The following ARID4A variants were observed in gnomAD, a reference collection of about 807,000 sequenced individuals.
ARID4A encodes the protein AT-rich interactive domain-containing protein 4A.
Under a neutral mutation model 148.6 loss-of-function variants are expected in ARID4A, and 39 were observed. That is an observed-to-expected ratio of 0.26 (90% CI 0.20 to 0.34). The LOEUF is 0.34. Among genes scored for constraint, ARID4A ranks in the 10% least tolerant of loss-of-function variants. ARID4A has a pLI of 1.00. For missense variants in ARID4A, 1,265 were observed against 1,449.1 expected, an observed-to-expected ratio of 0.87 and a Z score of 2.06; for synonymous variants, 475 against 481.2, an observed-to-expected ratio of 0.99 and a Z score of 0.17.
At chr14:58,304,923 A>G (rs1435095823) in intron 3 of ARID4A, 21 bp from the exon 4 acceptor site, 1 of 1,595,222 alleles carries the variant, frequency 6.3e-7, no homozygotes, top group South Asian at 1.1e-5. Flanking sequence ...TATGCAAATT[A>G]TTGTGCAAAA....
chr14:58,361,686 C>CT (rs1274749798), intron 19 of ARID4A, among the ~76,000 whole-genome samples: 16 of 152,202 alleles, frequency 1.1e-4, no homozygotes, highest in Non-Finnish European at 1.6e-4. Flanking sequence ...CAGTCTCCAC[C>CT]TACGATGCTG....
intron 2 of ARID4A, among the ~76,000 whole-genome samples, chr14:58,300,062 C>G (rs1461516576): frequency 6.6e-6 from 1 of 152,200 alleles, no homozygotes; most frequent in Non-Finnish European, 1.5e-5. Context: ...TGTAGCAGTA[C>G]TTTGGAAAGG....
In ARID4A at chr14:58,302,914, T is replaced by C. The variant is rs910741562; in HGVS notation, c.117+1224T>C. On this transcript the variant is annotated intron_variant, in intron 3 of 23. Transcript: ENST00000355431. ...GGTCAAGGCTGCAGTGAGCTGTGAT[T>C]GTGCCACTGCACTCCAGGCCGGATG... 6.6e-5 allele frequency among the ~76,000 whole-genome samples: 10 copies of C among 152,024 alleles called. No individual in the cohort carries two copies. The East Asian group carries it at 1.9e-3, about 29-fold the overall frequency.
chr14:58,338,995 C>T (rs1226611684), intron 11 of ARID4A, among the ~76,000 whole-genome samples: 1 of 125,866 alleles, frequency 7.9e-6, no homozygotes, highest in Non-Finnish European at 1.6e-5. Flanking sequence ...GAGACACAGT[C>T]TTACTCTGCC....
Position 58,365,089 on chromosome 14 carries a change from A to G in ARID4A, c.3000A>G (p.Gln1000=). ...SIPPALPPVV[Q]HNFSVASPLT... ...CACCTGCCCTACCTCCTGTAGTCCA[A>G]CATAACTTTTCAGTAGCTTCACCAC... Residue 1000 remains glutamine, a synonymous_variant, in exon 20 of 24, where the codon CAA becomes CAG. Coordinates refer to ENST00000355431, the MANE Select transcript of ARID4A (RefSeq NM_002892.4). 6 of 1,614,148 alleles carry G rather than the reference A, an allele frequency of 3.7e-6. No individual in the cohort carries two copies. The highest frequency in any genetic ancestry group is 2.2e-5 in the East Asian group (1 of 44,884).
intron 7 of ARID4A, among the ~76,000 whole-genome samples, chr14:58,322,963 C>CAAAAAAAA (rs386381476): frequency 2.8e-4 from 12 of 42,240 alleles, no homozygotes; most frequent in African/African-American, 1.2e-3. Context: ...ACTCCATTTC[C>CAAAAAAAA]AAAAAAAAAA....
rs758555881 is a variant in ARID4A, at chr14:58,323,566, A to C, written c.531A>C (p.Lys177Asn). ...KRRLNDELLG[K>N]VVSVVSATER... is the part of the protein sequence containing the mutation. ...GTCTCAATGATGAATTACTAGGAAA[A>C]GTTGTAAGTGTGGTGTCTGCAACGG... Residue 177 changes from lysine (K) to asparagine (N), a missense_variant, in exon 8 of 24, where the codon AAA becomes AAC. Transcript: ENST00000355431. The C allele has an allele frequency of 1.2e-6, 2 of 1,614,176 alleles. No individual in the cohort carries two copies. Among genetic ancestry groups the C allele is most frequent in the Admixed American group, 3.3e-5 (2 of 60,022 alleles).
chr14:58,364,380 A>G lies in ARID4A; in HGVS notation c.2291A>G (p.Glu764Gly), dbSNP rs776280432. 1.7e-5 allele frequency: 27 copies of G among 1,603,280 alleles called. No homozygotes were observed. The highest frequency in any genetic ancestry group is 3.5e-5 in the Admixed American group (2 of 57,572). Residue 764 changes from glutamate to glycine, a missense_variant, in exon 20 of 24, where the codon GAG becomes GGG. By Grantham distance (98) the Glu-to-Gly change is moderately conservative. Transcript: ENST00000355431. ...PLETLKLEVG[E>G]NEQIVQIFGN... ...GAAACCCTGAAGTTAGAAGTTGGAG[A>G]GAATGAACAAATAGTACAGATTTTT... is the stretch of plus-strand genomic sequence containing the variant.
intron 17 of ARID4A, among the ~76,000 whole-genome samples, chr14:58,356,764 C>T (rs931237090): frequency 1.4e-5 from 2 of 144,778 alleles, no homozygotes; most frequent in African/African-American, 2.6e-5. Context: ...TGCAGTGGTG[C>T]GATCTGGGCT....
In ARID4A at chr14:58,329,649, ATT is replaced by A. The variant is rs767807925; in HGVS notation, c.739+47_739+48del. ...CCCTATTATTTTATGTTGTGGCTCT[ATT>A]TGGAAAATAGCAAATAAAGCAAGAC... On this transcript the variant is annotated intron_variant, in intron 10 of 23. Transcript: ENST00000355431. 2.7e-6 allele frequency: 4 copies of A among 1,467,984 alleles called. No individual in the cohort carries two copies. The South Asian group carries it at 4.6e-5, about 17-fold the overall frequency. 90.9% of individuals were successfully genotyped at this position (1,467,984 alleles called of 1,614,324 possible). A position where few individuals can be genotyped will look rare whatever the true frequency, so the allele number is the denominator to read the frequency against.
In ARID4A at chr14:58,324,476, C is replaced by CATACATGTTATGTAG. The variant is rs1350688431; in HGVS notation, c.582+859_582+860insATACATGTTATGTAG. Reference sequence around the variant, plus strand: ...TTTTTATTTTTTGTAGACATGTAGCCTCATGATGTTTCCAGGCCAGTCTCA... The same window carrying CATACATGTTATGTAG: ...TTTTTATTTTTTGTAGACATGTAGCCATACATGTTATGTAGTCATGATGTTTCCAGGCCAGTCTCA... On this transcript the variant is annotated intron_variant, in intron 8 of 23. Transcript: ENST00000355431. Among the ~76,000 whole-genome samples, 74 of 152,178 alleles carry CATACATGTTATGTAG rather than the reference C, an allele frequency of 4.9e-4. No individual in the cohort carries two copies. In the Middle Eastern group the frequency reaches 0.041, roughly 84 times the overall value.
Position 58,323,484 on chromosome 14 carries a change from G to C in ARID4A, c.450-1G>C. The C allele has an allele frequency of 6.2e-7, 1 of 1,606,136 alleles. No individual in the cohort carries two copies. The highest frequency in any genetic ancestry group is 8.5e-7 in the Non-Finnish European group (1 of 1,172,746). ...AATGATCAAGTTATTCTAACTTTTA[G>C]TACTGAAGATGAAAAGGAAGAAGAA... On this transcript the variant is annotated splice_acceptor_variant, in intron 7 of 23. Coordinates refer to ENST00000355431, the MANE Select transcript of ARID4A (RefSeq NM_002892.4). LOFTEE classifies it high-confidence loss of function.
rs146767315 is a variant in ARID4A, at chr14:58,325,871, A to T, written c.582+2254A>T. Among the ~76,000 whole-genome samples, 544 of 152,068 alleles carry T rather than the reference A, an allele frequency of 3.6e-3. 3 individuals carry two copies. The highest frequency in any genetic ancestry group is 0.013 in the African/African-American group (522 of 41,510). On this transcript the variant is annotated intron_variant, in intron 8 of 23. Coordinates refer to ENST00000355431, the MANE Select transcript of ARID4A (RefSeq NM_002892.4). ...TTTGCCAAGAGTTTTTTTTTTTAAT[A>T]ACAAATTCTTTTATTTACTCAGATT...
intron 22 of ARID4A, among the ~76,000 whole-genome samples, 182 bp from the exon 23 acceptor site, chr14:58,366,701 T>C (rs914074093): frequency 1.3e-5 from 2 of 152,182 alleles, no homozygotes; most frequent in Non-Finnish European, 2.9e-5. Context: ...GATCTAAAAA[T>C]AATTCTTAAT....
At chr14:58,331,255 A>C (rs1179736391) in intron 11 of ARID4A, 1 of 152,210 alleles carries the variant, frequency 6.6e-6, no homozygotes, top group Non-Finnish European at 1.5e-5. Flanking sequence ...TCGGAAAGAC[A>C]GGAAGGTTTA....
intron 11 of ARID4A, among the ~76,000 whole-genome samples, chr14:58,333,730 G>T (rs897374712): frequency 6.6e-6 from 1 of 151,986 alleles, no homozygotes; most frequent in Admixed American, 6.6e-5. Flanking sequence ...CATATTATTT[G>T]TGCATATTTA....
At chr14:58,301,509 T>C in intron 2 of ARID4A, 71 bp from the exon 3 acceptor site, 1 of 1,064,304 alleles carries the variant, frequency 9.4e-7, no homozygotes, top group East Asian at 2.4e-5. Context: ...AACACAACCT[T>C]TTAATGAGAC....
At chr14:58,365,412 T>C in intron 20 of ARID4A, 106 bp from the exon 21 acceptor site, 2 of 1,419,376 alleles carry the variant, frequency 1.4e-6, no homozygotes, top group South Asian at 2.8e-5. Context: ...TCTCTCTTCT[T>C]TTCTTATTAA....
chr14:58,319,821 A>C (rs978014174), intron 7 of ARID4A, among the ~76,000 whole-genome samples: 1 of 151,494 alleles, frequency 6.6e-6, no homozygotes, highest in African/African-American at 2.4e-5. Context: ...GACTGGGATT[A>C]TAGATATGAG....
Sources: allele counts gnomAD v4.1 joint callset (sites outside exome capture counted in the v4.1 genomes callset), GRCh38; gene constraint gnomAD v4.1.1; transcripts MANE v1.5; gene names NCBI Gene and HGNC (gene_info 2026-07-23, HGNC 2026-07-21).